The following NUMB variants were observed in gnomAD, a reference collection of about 807,000 sequenced individuals.
NUMB encodes the protein protein numb homolog.
NUMB carries 29 observed loss-of-function variants against 59.7 expected under a neutral mutation model. That is an observed-to-expected ratio of 0.49 (90% CI 0.36 to 0.66). The LOEUF is 0.66. Ranked by LOEUF, NUMB falls within the 30% of genes least tolerant of loss-of-function variation. The pLI is 0.00. For synonymous variants in NUMB, 288 were observed against 288.2 expected (o/e 1.00, Z 0.01); for missense variants, 723 against 822.0 (o/e 0.88, Z 1.47).
At chr14:73,314,518 C>T (rs1052698956) in intron 6 of NUMB, among the ~76,000 whole-genome samples, 2 of 152,066 alleles carry the variant, frequency 1.3e-5, no homozygotes, top group Admixed American at 1.3e-4. Flanking sequence ...GCATCATGGC[C>T]CCATTATACG....
At chr14:73,342,092 T>A (rs1892666287) in intron 4 of NUMB, among the ~76,000 whole-genome samples, 1 of 152,208 alleles carries the variant, frequency 6.6e-6, no homozygotes, top group African/African-American at 2.4e-5. Flanking sequence ...AGAGACAAGG[T>A]CTCACTATAT....
chr14:73,352,780 G>T lies in NUMB; in HGVS notation c.126+2846C>A, dbSNP rs190094513. ...GATGGTCTCAATCTCCTGACCTCGT[G>T]ATCTGCCCGCCCTGGCCTCCCAAAG... On this transcript the variant is annotated intron_variant, in intron 4 of 12. Coordinates refer to ENST00000555238, the MANE Select transcript of NUMB (RefSeq NM_001005743.2). 2.0e-4 allele frequency among the ~76,000 whole-genome samples: 29 copies of T among 147,568 alleles called. No individual in the cohort carries two copies. The East Asian group carries it at 5.8e-3, about 29-fold the overall frequency.
At position 73,277,231 on chromosome 14, in the gene NUMB, G is replaced by C; in HGVS notation, c.1303C>G (p.Arg435Gly). The change falls in exon 13 of 13, where the codon CGT becomes GGT. Residue 435 changes from arginine to glycine, a missense_variant. By Grantham distance (125) the Arg-to-Gly change is moderately radical. This residue lies in a region of NUMB where 406 missense variants were observed against 385.4 expected (regional missense o/e 1.05). Coordinates refer to ENST00000555238, the MANE Select transcript of NUMB (RefSeq NM_001005743.2). ...CATCGGTCGGCCTCAGAGGGAGTACGTCTATGACCGGCCTGGAAGAGACCT... is the reference window on the plus strand; with the variant it reads ...CATCGGTCGGCCTCAGAGGGAGTACCTCTATGACCGGCCTGGAAGAGACCT... ...SPGLFQAGHR[R>G]TPSEADRWLE... 6.2e-7 allele frequency: 1 copy of C among 1,613,590 alleles called. No individual in the cohort carries two copies. Among genetic ancestry groups the C allele is most frequent in the Non-Finnish European group, 8.5e-7 (1 of 1,179,626 alleles).
At chr14:73,334,058 G>GTT (rs560823547) in intron 4 of NUMB, among the ~76,000 whole-genome samples, 2 of 144,236 alleles carry the variant, frequency 1.4e-5, no homozygotes, top group Admixed American at 7.0e-5. Context: ...GTGTGTGTGT[G>GTT]TTTTTTTTTC....
At chr14:73,295,534 C>A (rs1183690416) in intron 7 of NUMB, among the ~76,000 whole-genome samples, 1 of 152,020 alleles carries the variant, frequency 6.6e-6, no homozygotes, top group African/African-American at 2.4e-5. Flanking sequence ...CAGTAATGTA[C>A]TAAAAGTGAA....
At position 73,287,428 on chromosome 14, in the gene NUMB, G is replaced by C. The variant is rs548852838; in HGVS notation, c.451-114C>G. The C allele has an allele frequency of 4.4e-6, 4 of 906,928 alleles. No individual in the cohort carries two copies. The South Asian group carries it at 6.9e-5, about 16-fold the overall frequency. The allele number at this position is 906,928 out of a possible 1,614,324, so 56.2% of individuals were successfully genotyped here. A position where few individuals can be genotyped will look rare whatever the true frequency, so the allele number is the denominator to read the frequency against. ...CAGAGTCTTACTGTTACCCAGGCTG[G>C]AGTGCAGTGGCGCAGTCTCTGCTCA... On this transcript the variant is annotated intron_variant, in intron 8 of 12. Transcript: ENST00000555238.
chr14:73,452,691 A>G (rs796305154), intron 1 of NUMB, among the ~76,000 whole-genome samples: 11 of 152,302 alleles, frequency 7.2e-5, no homozygotes, highest in African/African-American at 2.6e-4. Flanking sequence ...GGAGAGGACA[A>G]GTGGGAAAGG....
intron 5 of NUMB, among the ~76,000 whole-genome samples, chr14:73,317,059 G>C (rs1225300055): frequency 1.3e-5 from 2 of 152,156 alleles, no homozygotes; most frequent in African/African-American, 4.8e-5. Context: ...ACTTACATTA[G>C]TATCAATCTA....
chr14:73,457,244 C>G (rs149406926), intron 1 of NUMB, among the ~76,000 whole-genome samples: 22 of 152,218 alleles, frequency 1.4e-4, no homozygotes, highest in Admixed American at 9.8e-4. Context: ...CCCCTTTTCC[C>G]TCCCAAATTC....
At chr14:73,457,084 C>T (rs1183017801) in intron 1 of NUMB, among the ~76,000 whole-genome samples, 4 of 152,006 alleles carry the variant, frequency 2.6e-5, no homozygotes, top group Admixed American at 1.3e-4. Context: ...AAAGTAGGAA[C>T]TATTACTATT....
At chr14:73,408,251 C>T (rs1475903722) in intron 2 of NUMB, among the ~76,000 whole-genome samples, 1 of 51,474 alleles carries the variant, frequency 1.9e-5, no homozygotes, top group Non-Finnish European at 3.1e-5. Context: ...AAAGAAAAAA[C>T]GTTAAGATAT....
At chr14:73,314,512 C>T (rs998487757) in intron 6 of NUMB, among the ~76,000 whole-genome samples, 1 of 152,138 alleles carries the variant, frequency 6.6e-6, no homozygotes, top group African/African-American at 2.4e-5. Flanking sequence ...GTAGGTGCAT[C>T]ATGGCCCCAT....
chr14:73,284,004 G>A, intron 10 of NUMB, 77 bp downstream of exon 10: 1 of 1,323,478 alleles, frequency 7.6e-7, no homozygotes, highest in Non-Finnish European at 1.1e-6. Flanking sequence ...AGTTTAATGG[G>A]ATTAGTGTCT....
chr14:73,334,841 C>T (rs1465745084), intron 4 of NUMB, among the ~76,000 whole-genome samples: 3 of 150,292 alleles, frequency 2.0e-5, no homozygotes, highest in African/African-American at 7.4e-5. Context: ...CTCAGCTACT[C>T]GGGAAGCTAA....
intron 4 of NUMB, among the ~76,000 whole-genome samples, chr14:73,354,425 C>T (rs145061273): frequency 0.02 from 2,997 of 149,872 alleles, 99 homozygotes; most frequent in African/African-American, 0.07. Flanking sequence ...ACAGGAGAAT[C>T]GCTTGAACCT....
intron 10 of NUMB, among the ~76,000 whole-genome samples, chr14:73,282,856 A>T (rs79557096): frequency 1.3e-5 from 2 of 152,286 alleles, no homozygotes; most frequent in African/African-American, 4.8e-5. Context: ...GACATTTGCA[A>T]CCTGTATGCC....
chr14:73,411,052 G>C (rs948987870), intron 1 of NUMB, among the ~76,000 whole-genome samples: 1 of 152,198 alleles, frequency 6.6e-6, no homozygotes, highest in African/African-American at 2.4e-5. Context: ...GTATTTTGGA[G>C]ACTGGGTCTC....
intron 1 of NUMB, among the ~76,000 whole-genome samples, chr14:73,443,827 T>C (rs923940099): frequency 2.6e-5 from 4 of 151,536 alleles, no homozygotes; most frequent in Non-Finnish European, 5.9e-5. Flanking sequence ...ATTTCTTTTG[T>C]ATTTTAGTAG....
intron 1 of NUMB, among the ~76,000 whole-genome samples, chr14:73,440,106 G>A (rs1167143729): frequency 6.6e-6 from 1 of 151,796 alleles, no homozygotes; most frequent in South Asian, 2.1e-4. Context: ...AAAAATTAGT[G>A]ATAAAGCAGA....
Sources: allele counts gnomAD v4.1 joint callset (sites outside exome capture counted in the v4.1 genomes callset), GRCh38; gene constraint gnomAD v4.1.1; regional missense constraint gnomAD v4.1.1; transcripts MANE v1.5; gene names NCBI Gene and HGNC (gene_info 2026-07-23, HGNC 2026-07-21).